TEX11: variants seen among roughly 807,000 people sequenced by gnomAD.
The protein encoded by TEX11 is testis-expressed protein 11.
TEX11 carries 7 observed loss-of-function variants against 84.4 expected under a neutral mutation model. That is an observed-to-expected ratio of 0.08 (90% CI 0.05 to 0.16). The LOEUF is 0.16. TEX11 is among the 10% of genes least tolerant of loss of function. The probability of loss-of-function intolerance (pLI) is 1.00; values close to 1 mark genes in which losing one functional copy is unlikely to be tolerated. For synonymous variants in TEX11, 264 were observed against 222.8 expected (o/e 1.18, Z -1.64); for missense variants, 551 against 660.5 (o/e 0.83, Z 1.82).
At chrX:70,742,839 C>G (rs997234240) in intron 10 of TEX11, among the ~76,000 whole-genome samples, 73 of 111,072 alleles carry the variant, frequency 6.6e-4, no homozygotes, top group Non-Finnish European at 1.7e-4. Flanking sequence ...TTCATGCAAT[C>G]CTCCTGGCTT....
At chrX:70,844,850 G>A (rs1425768237) in intron 7 of TEX11, among the ~76,000 whole-genome samples, 11 of 109,848 alleles carry the variant, frequency 1.0e-4, no homozygotes, top group South Asian at 4.0e-4. Context: ...CATGAGAACC[G>A]CTTGAACCCG....
chrX:70,573,899 T>C (rs1367603830), intron 25 of TEX11, among the ~76,000 whole-genome samples: 1 of 111,270 alleles, frequency 9.0e-6, no homozygotes, highest in Non-Finnish European at 1.9e-5. Context: ...TGGCAGAACA[T>C]CCATGCTGGG....
chrX:70,820,081 A>G (rs2091310990), intron 8 of TEX11, among the ~76,000 whole-genome samples: 1 of 112,245 alleles, frequency 8.9e-6, no homozygotes, highest in Non-Finnish European at 1.9e-5. Context: ...AAATTCATAT[A>G]AAATCATAAA....
rs773506930 is a variant in TEX11, at chrX:70,869,792, A to G, written c.244+3431T>C. Among the ~76,000 whole-genome samples the G allele has an allele frequency of 3.6e-5, 4 of 109,852 alleles. No homozygotes were observed. In the East Asian group the frequency reaches 1.1e-3, roughly 31 times the overall value. Reference sequence around the variant, plus strand: ...ATCCTGTCTCAAAAAAAAAAAAATTACCCTCTTGGCCTGAAATATCCTGGT... The same window carrying G: ...ATCCTGTCTCAAAAAAAAAAAAATTGCCCTCTTGGCCTGAAATATCCTGGT... On this transcript the variant is annotated intron_variant, in intron 4 of 29. Transcript: ENST00000374333.
downstream of TEX11, among the ~76,000 whole-genome samples, chrX:70,525,031 A>C (rs1327888259): frequency 9.0e-6 from 1 of 111,071 alleles, no homozygotes; most frequent in African/African-American, 3.3e-5. Context: ...AATAAAAAAA[A>C]TTAGCTAATC....
intron 11 of TEX11, among the ~76,000 whole-genome samples, chrX:70,737,842 C>T (rs777330134): frequency 1.3e-4 from 15 of 111,147 alleles, no homozygotes; most frequent in Non-Finnish European, 2.3e-4. Context: ...AACCCTTGTG[C>T]ACTATAGATG....
intron 12 of TEX11, among the ~76,000 whole-genome samples, chrX:70,724,658 TAAC>T (rs2090585889): frequency 9.0e-6 from 1 of 111,336 alleles, no homozygotes; most frequent in East Asian, 2.8e-4. Flanking sequence ...GTAATAATAA[TAAC>T]TACAGTAATA....
chrX:70,645,439 C>T (rs774240837), intron 17 of TEX11, among the ~76,000 whole-genome samples: 102 of 111,106 alleles, frequency 9.2e-4, no homozygotes, highest in Non-Finnish European at 1.7e-3. Context: ...TACTGGAAGT[C>T]CTAGTCAGAG....
chrX:70,806,828 C>T, intron 8 of TEX11, 38 bp from the exon 9 acceptor site: 1 of 1,022,254 alleles, frequency 9.8e-7, no homozygotes, highest in Non-Finnish European at 1.3e-6. Context: ...TCATGATTTC[C>T]TTAAATCCCA....
At chrX:70,713,753 C>T (rs2090465622) in intron 13 of TEX11, among the ~76,000 whole-genome samples, 1 of 111,410 alleles carries the variant, frequency 9.0e-6, no homozygotes, top group Admixed American at 9.6e-5. Context: ...CTCCTGGATT[C>T]ATTGAGTTTT....
At chrX:70,817,550 G>A (rs758157563) in intron 8 of TEX11, among the ~76,000 whole-genome samples, 193 of 111,160 alleles carry the variant, frequency 1.7e-3, no homozygotes, top group Non-Finnish European at 2.7e-3. Flanking sequence ...CGGGCGTGGT[G>A]GGACACGCCT....
chrX:70,847,230 T>C (rs769285365), intron 7 of TEX11, among the ~76,000 whole-genome samples: 2 of 111,847 alleles, frequency 1.8e-5, no homozygotes, highest in East Asian at 5.7e-4. Flanking sequence ...ATGCTTCTTG[T>C]ACAGTGTGCA....
intron 15 of TEX11, among the ~76,000 whole-genome samples, chrX:70,677,164 T>C (rs1407065444): frequency 1.8e-5 from 2 of 112,142 alleles, no homozygotes; most frequent in African/African-American, 6.5e-5. Context: ...TATATTCCTA[T>C]AAATATTCTT....
At chrX:70,813,605 C>G (rs1198064124) in intron 8 of TEX11, among the ~76,000 whole-genome samples, 14 of 111,105 alleles carry the variant, frequency 1.3e-4, no homozygotes, top group African/African-American at 4.6e-4. Flanking sequence ...CCAGGGCAAT[C>G]AGGCAGGAGA....
chrX:70,597,499 G>T (rs1174305318), intron 24 of TEX11, among the ~76,000 whole-genome samples: 1 of 111,790 alleles, frequency 8.9e-6, no homozygotes, highest in East Asian at 2.8e-4. Flanking sequence ...TTCAACAATG[G>T]CACGAAGATA....
At chrX:70,819,946 C>G (rs1381204498) in intron 8 of TEX11, among the ~76,000 whole-genome samples, 1 of 111,231 alleles carries the variant, frequency 9.0e-6, no homozygotes, top group Non-Finnish European at 1.9e-5. Context: ...AAATACATCC[C>G]ACATTCACAG....
chrX:70,542,304 C>A (rs73538750), intron 28 of TEX11, among the ~76,000 whole-genome samples: 2 of 110,540 alleles, frequency 1.8e-5, no homozygotes, highest in Non-Finnish European at 3.8e-5. Context: ...GGAAGCAGAC[C>A]CTCACTGGAC....
At chrX:70,786,330 G>A (rs2091078887) in intron 9 of TEX11, among the ~76,000 whole-genome samples, 1 of 111,241 alleles carries the variant, frequency 9.0e-6, no homozygotes, top group South Asian at 3.8e-4. Flanking sequence ...GAGGTGGTGG[G>A]CTTGGGGGAG....
intron 9 of TEX11, among the ~76,000 whole-genome samples, chrX:70,802,940 C>CTAA (rs1028892552): frequency 3.6e-5 from 4 of 111,424 alleles, no homozygotes; most frequent in African/African-American, 1.3e-4. Context: ...TTAGATAGGA[C>CTAA]TTTAAGAGCT....
Sources: gnomAD v4.1 joint callset for allele counts (sites outside exome capture counted in the v4.1 genomes callset) on GRCh38, gnomAD v4.1.1 for gene constraint, MANE v1.5 for transcripts, NCBI Gene and HGNC (gene_info 2026-07-23, HGNC 2026-07-21) for gene names.